Variants in GSG1L observed in about 807,000 individuals in gnomAD.
GSG1L encodes the protein germ cell-specific gene 1-like protein.
GSG1L carries 24 observed loss-of-function variants against 42.1 expected under a neutral mutation model. The observed-to-expected ratio is 0.57, with a 90% CI of 0.41 to 0.80. GSG1L has a LOEUF of 0.80. Ranked by LOEUF, GSG1L falls within the 30% of genes least tolerant of loss-of-function variation. The probability of loss-of-function intolerance (pLI) is 0.00; values close to 1 mark genes in which losing one functional copy is unlikely to be tolerated. For synonymous variants in GSG1L, 215 were observed against 203.5 expected (o/e 1.06, Z -0.48); for missense variants, 445 against 472.2 (o/e 0.94, Z 0.53).
intron 1 of GSG1L, among the ~76,000 whole-genome samples, chr16:28,038,289 C>T (rs1007845057): frequency 2.0e-5 from 3 of 152,130 alleles, no homozygotes; most frequent in Non-Finnish European, 2.9e-5. Context: ...AATTTGATCC[C>T]CCCCCAAATA....
chr16:28,004,922 G>A (rs964484345), intron 1 of GSG1L, among the ~76,000 whole-genome samples: 7 of 152,040 alleles, frequency 4.6e-5, no homozygotes, highest in Non-Finnish European at 1.0e-4. Context: ...GCCTGGGCTC[G>A]AACCCAGCTG....
chr16:27,833,846 T>C (rs1236210512), intron 4 of GSG1L, among the ~76,000 whole-genome samples: 2 of 152,186 alleles, frequency 1.3e-5, no homozygotes, highest in African/African-American at 2.4e-5. Context: ...TTTGGTAGAT[T>C]CCTTGAATTT....
At chr16:27,980,901 C>CAAAAAAAAAAAAAA (rs11390148) in intron 1 of GSG1L, among the ~76,000 whole-genome samples, 1 of 127,046 alleles carries the variant, frequency 7.9e-6, no homozygotes, top group Admixed American at 8.2e-5. Context: ...AACCAAAAAA[C>CAAAAAAAAAAAAAA]AAAAAAAAAA....
At chr16:27,951,952 A>T (rs1395975502) in intron 2 of GSG1L, among the ~76,000 whole-genome samples, 1 of 152,202 alleles carries the variant, frequency 6.6e-6, no homozygotes, top group Non-Finnish European at 1.5e-5. Flanking sequence ...CATCCCTGAA[A>T]TATTAAACAA....
At chr16:27,841,210 C>A (rs2083377752) in intron 4 of GSG1L, among the ~76,000 whole-genome samples, 1 of 152,070 alleles carries the variant, frequency 6.6e-6, no homozygotes, top group Admixed American at 6.5e-5. Flanking sequence ...TGGCCAAGGT[C>A]CCCGGCTGGT....
chr16:27,865,651 G>GTA lies in GSG1L; in HGVS notation c.550+18833_550+18834dup, dbSNP rs146225860. Among the ~76,000 whole-genome samples, 753 of 136,854 alleles carry GTA rather than the reference G, an allele frequency of 5.5e-3. 8 individuals carry two copies. The highest frequency in any genetic ancestry group is 0.026 in the Middle Eastern group (7 of 274). 89.8% of individuals were successfully genotyped at this position (136,854 alleles called of 152,430 possible). A position where few individuals can be genotyped will look rare whatever the true frequency, so the allele number is the denominator to read the frequency against. On this transcript the variant is annotated intron_variant, in intron 3 of 6. Coordinates refer to ENST00000447459, the MANE Select transcript of GSG1L (RefSeq NM_001109763.2). ...TATGTGTGTATATATGTGTGTGTATGTATATATATATATATCTGTTTGTGC... is the reference window on the plus strand; with the variant it reads ...TATGTGTGTATATATGTGTGTGTATGTATATATATATATATATCTGTTTGTGC...
At chr16:27,943,902 C>G (rs1412933613) in intron 2 of GSG1L, among the ~76,000 whole-genome samples, 1 of 152,022 alleles carries the variant, frequency 6.6e-6, no homozygotes, top group Non-Finnish European at 1.5e-5. Flanking sequence ...AAGGGACAGA[C>G]AGTAAATATT....
rs529458662 is a variant in GSG1L, at chr16:27,883,162, G to A, written c.550+1324C>T. Among the ~76,000 whole-genome samples, 25 of 151,258 alleles carry A rather than the reference G, an allele frequency of 1.7e-4. 1 individual carries two copies. Among genetic ancestry groups the A allele is most frequent in the African/African-American group, 6.1e-4 (25 of 41,148 alleles). On this transcript the variant is annotated intron_variant, in intron 3 of 6. Transcript: ENST00000447459. ...AAAGAGAGAGAGAGAAAGCCTTCAT[G>A]AGGGCAAGGACTGAGTCTTTTTCCT...
chr16:28,063,214 C>CGGCGGCGGCGGG lies in GSG1L; in HGVS notation c.199_210dup (p.Pro67_Ala70dup). 1 of 1,261,016 alleles carries CGGCGGCGGCGGG rather than the reference C, an allele frequency of 7.9e-7. No individual in the cohort carries two copies. The highest frequency in any genetic ancestry group is 9.9e-7 in the Non-Finnish European group (1 of 1,007,310). 78.1% of individuals were successfully genotyped at this position (1,261,016 alleles called of 1,614,324 possible). On this transcript the variant is annotated inframe_insertion, in exon 1 of 7. Transcript: ENST00000447459. The surrounding 1 kb of genome is among the most constrained non-coding windows in gnomAD (Gnocchi z 5.8). ...TTCCCCGAGGCGGTGGCGGCGGCGG[C>CGGCGGCGGCGGG]GGCGGCGGCGGGGGCGGCGGTGCCG...
At chr16:27,929,089 G>C (rs1190230293) in intron 2 of GSG1L, among the ~76,000 whole-genome samples, 1 of 152,172 alleles carries the variant, frequency 6.6e-6, no homozygotes, top group Non-Finnish European at 1.5e-5. Context: ...GTGCAGCCCA[G>C]GTACCTGTAT....
intron 5 of GSG1L, among the ~76,000 whole-genome samples, chr16:27,807,833 C>T (rs1298164020): frequency 6.6e-6 from 1 of 152,098 alleles, no homozygotes; most frequent in Non-Finnish European, 1.5e-5. Context: ...AAGGCAAACC[C>T]ATCATTCTGT....
chr16:28,019,018 G>T (rs1360514152), intron 1 of GSG1L, among the ~76,000 whole-genome samples: 1 of 152,154 alleles, frequency 6.6e-6, no homozygotes, highest in African/African-American at 2.4e-5. Context: ...TCATGCTAAA[G>T]GGAGAAGCTG....
rs775964384 is a variant in GSG1L, at chr16:28,059,130, C to T, written c.349+3946G>A. ...CTACGTCACCAAATCCTTGCATCTC[C>T]GGCGGGTGCTAGCTGCTCTGATCCC... is the stretch of plus-strand genomic sequence containing the variant. On this transcript the variant is annotated intron_variant, in intron 1 of 6. Coordinates refer to ENST00000447459, the MANE Select transcript of GSG1L (RefSeq NM_001109763.2). This position sits in a 1 kb window ranked among gnomAD's most constrained non-coding sequence, Gnocchi z 4.4. Among the ~76,000 whole-genome samples, 14 of 152,192 alleles carry T rather than the reference C, an allele frequency of 9.2e-5. No individual in the cohort carries two copies. The highest frequency in any genetic ancestry group is 1.7e-4 in the African/African-American group (7 of 41,436).
In GSG1L at chr16:27,880,757, G is replaced by A. The variant is rs181217052; in HGVS notation, c.550+3729C>T. On this transcript the variant is annotated intron_variant, in intron 3 of 6. Transcript: ENST00000447459. ...CCGGTGTTGGCTGCCTGTGGCCAAC[G>A]ACAAACTTTTGTTTTGTGGCTGGAG... Among the ~76,000 whole-genome samples, 234 of 152,152 alleles carry A rather than the reference G, an allele frequency of 1.5e-3. 1 individual carries two copies. Among genetic ancestry groups the A allele is most frequent in the East Asian group, 0.014 (74 of 5,178 alleles).
intron 1 of GSG1L, among the ~76,000 whole-genome samples, chr16:28,030,977 A>G (rs2085955113): frequency 8.8e-6 from 1 of 113,428 alleles, no homozygotes. Flanking sequence ...ATGGGTTGGG[A>G]TGGGTTGCGA....
chr16:27,804,311 C>T (rs990433747), intron 6 of GSG1L, among the ~76,000 whole-genome samples: 15 of 152,270 alleles, frequency 9.9e-5, no homozygotes, highest in African/African-American at 3.6e-4. Context: ...CAAGCACTGT[C>T]TGGCTCCTTC....
chr16:28,061,656 G>A (rs1393529489), intron 1 of GSG1L, among the ~76,000 whole-genome samples: 1 of 152,230 alleles, frequency 6.6e-6, no homozygotes, highest in African/African-American at 2.4e-5. Context: ...CCTATGGGGA[G>A]TGGGGACTAT....
At chr16:27,819,781 A>G (rs1304634109) in intron 5 of GSG1L, among the ~76,000 whole-genome samples, 1 of 152,184 alleles carries the variant, frequency 6.6e-6, no homozygotes, top group Non-Finnish European at 1.5e-5. Context: ...TTTTAGGCAG[A>G]AAGATGGGGG....
chr16:27,859,615 T>C (rs2083618887), intron 3 of GSG1L, among the ~76,000 whole-genome samples: 1 of 152,268 alleles, frequency 6.6e-6, no homozygotes, highest in Non-Finnish European at 1.5e-5. Flanking sequence ...CCGTCAGCTC[T>C]TCTCATCTGT....
Sources: gnomAD v4.1 joint callset for allele counts (sites outside exome capture counted in the v4.1 genomes callset) on GRCh38, gnomAD v4.1.1 for gene constraint, Gnocchi (gnomAD v3.1) non-coding constraint, MANE v1.5 for transcripts, NCBI Gene and HGNC (gene_info 2026-07-23, HGNC 2026-07-21) for gene names.